Variants in LIN28B observed in about 807,000 individuals in gnomAD.
LIN28B encodes the protein lin-28 RNA binding posttranscriptional regulator B.
LIN28B carries 5 observed loss-of-function variants against 21.9 expected under a neutral mutation model. The ratio of observed to expected loss-of-function variants is 0.23; its 90% CI spans 0.12 to 0.48. The LOEUF (loss-of-function observed/expected upper bound fraction) is 0.48. Ranked by LOEUF, LIN28B falls within the 20% of genes least tolerant of loss-of-function variation. LIN28B has a pLI of 0.98. For missense variants in LIN28B, 245 were observed against 310.5 expected, an observed-to-expected ratio of 0.79 and a Z score of 1.58; for synonymous variants, 109 against 111.3, an observed-to-expected ratio of 0.98 and a Z score of 0.13.
At position 105,078,664 on chromosome 6, in the gene LIN28B, G is replaced by T; in HGVS notation, c.634G>T (p.Ala212Ser). 6.2e-7 allele frequency: 1 copy of T among 1,614,124 alleles called. No individual in the cohort carries two copies. Among genetic ancestry groups the T allele is most frequent in the African/African-American group, 1.3e-5 (1 of 75,008 alleles). ...ACCACCGTTTCCTCAGGAGGCTAGG[G>T]CAGAGATCTCAGAACGGTCAGGCAG... ...TSPPFPQEAR[A>S]EISERSGRSP... The change falls in exon 4 of 4, where the codon GCA becomes TCA. Residue 212 changes from alanine to serine, a missense_variant. Transcript: ENST00000345080.
At chr6:104,957,344 G>GC (rs1164468440) in intron 1 of LIN28B, 84 bp downstream of exon 1, 6 of 728,916 alleles carry the variant, frequency 8.2e-6, no homozygotes, top group African/African-American at 1.0e-4. Flanking sequence ...TTCTTAGACC[G>GC]TCCCCCCCTT....
chr6:105,047,375 G>C (rs437471), intron 3 of LIN28B, among the ~76,000 whole-genome samples: 1 of 151,814 alleles, frequency 6.6e-6, no homozygotes, highest in Non-Finnish European at 1.5e-5. Context: ...CCATTGGTCT[G>C]TATCCCTGTT....
intron 2 of LIN28B, among the ~76,000 whole-genome samples, chr6:104,989,780 T>C (rs1241739417): frequency 2.0e-5 from 3 of 151,748 alleles, no homozygotes; most frequent in East Asian, 1.9e-4. Flanking sequence ...TTAGTAGAGA[T>C]GGAATTTCAC....
At chr6:105,047,428 G>T (rs575712027) in intron 3 of LIN28B, among the ~76,000 whole-genome samples, 1 of 152,162 alleles carries the variant, frequency 6.6e-6, no homozygotes, top group Non-Finnish European at 1.5e-5. Context: ...TAGCCTTGTA[G>T]TATAGTTTGA....
chr6:104,992,379 T>C (rs996356826), intron 2 of LIN28B, among the ~76,000 whole-genome samples: 2 of 151,962 alleles, frequency 1.3e-5, no homozygotes, highest in Non-Finnish European at 2.9e-5. Context: ...TATGTAACAA[T>C]TAATATTACT....
chr6:105,007,758 G>A (rs924341305), intron 2 of LIN28B, among the ~76,000 whole-genome samples: 2 of 151,782 alleles, frequency 1.3e-5, no homozygotes, highest in African/African-American at 4.8e-5. Flanking sequence ...TTGAAGTGCT[G>A]GGATCATAGG....
At chr6:104,957,422 C>T (rs143823265) in intron 1 of LIN28B, among the ~76,000 whole-genome samples, 162 bp downstream of exon 1, 1 of 147,658 alleles carries the variant, frequency 6.8e-6, no homozygotes, top group Non-Finnish European at 1.5e-5. Flanking sequence ...TTCTGCAAAC[C>T]TATTGTTATA....
At chr6:105,038,266 A>G (rs1263553713) in intron 3 of LIN28B, among the ~76,000 whole-genome samples, 1 of 152,222 alleles carries the variant, frequency 6.6e-6, no homozygotes, top group Non-Finnish European at 1.5e-5. Flanking sequence ...GTCATTAACC[A>G]GTCTTCAGAA....
chr6:104,972,107 A>C (rs1409388099), intron 2 of LIN28B, among the ~76,000 whole-genome samples: 5 of 152,004 alleles, frequency 3.3e-5, no homozygotes, highest in Non-Finnish European at 7.4e-5. Context: ...AGTATCTGGG[A>C]CTACAGGTGC....
At chr6:105,051,030 C>T (rs1035395866) in intron 3 of LIN28B, among the ~76,000 whole-genome samples, 2 of 150,308 alleles carry the variant, frequency 1.3e-5, no homozygotes, top group Admixed American at 1.3e-4. Context: ...GCCTAGACAA[C>T]CAAGCAAGAC....
At chr6:104,952,613 GTAAA>G (rs368537170), upstream of LIN28B, among the ~76,000 whole-genome samples, 38 of 152,154 alleles carry the variant, frequency 2.5e-4, no homozygotes, top group African/African-American at 8.9e-4. Flanking sequence ...GAATTTTGTT[GTAAA>G]TATTTTGCTG....
At chr6:105,053,637 T>G (rs992320856) in intron 3 of LIN28B, among the ~76,000 whole-genome samples, 4 of 151,744 alleles carry the variant, frequency 2.6e-5, no homozygotes, top group African/African-American at 9.7e-5. Flanking sequence ...ATCTATTACT[T>G]TGAAGTATCC....
At chr6:104,974,726 A>C (rs1291814622) in intron 2 of LIN28B, among the ~76,000 whole-genome samples, 1 of 152,008 alleles carries the variant, frequency 6.6e-6, no homozygotes, top group Non-Finnish European at 1.5e-5. Context: ...TGAATCTCAC[A>C]GCTCACAATC....
At chr6:105,073,864 G>A (rs750662569) in intron 3 of LIN28B, among the ~76,000 whole-genome samples, 3 of 152,062 alleles carry the variant, frequency 2.0e-5, no homozygotes, top group Non-Finnish European at 4.4e-5. Context: ...GTGGTTGTCC[G>A]CTGTGCTCAG....
intron 2 of LIN28B, among the ~76,000 whole-genome samples, chr6:105,026,042 G>A (rs1771281939): frequency 6.6e-6 from 1 of 151,870 alleles, no homozygotes; most frequent in Admixed American, 6.6e-5. Context: ...TATTAATTGT[G>A]GAATTGCTGG....
chr6:104,960,603 T>A (rs1769720449), intron 2 of LIN28B, among the ~76,000 whole-genome samples: 1 of 152,028 alleles, frequency 6.6e-6, no homozygotes, highest in Non-Finnish European at 1.5e-5. Flanking sequence ...AGTACATGTG[T>A]CACTGGATTT....
chr6:105,007,509 A>G (rs572715798), intron 2 of LIN28B, among the ~76,000 whole-genome samples: 6 of 151,836 alleles, frequency 4.0e-5, no homozygotes, highest in African/African-American at 1.2e-4. Context: ...AAAATAAAGC[A>G]TATATATTTT....
chr6:105,071,740 C>T (rs1325067205), intron 3 of LIN28B, among the ~76,000 whole-genome samples: 1 of 152,140 alleles, frequency 6.6e-6, no homozygotes, highest in African/African-American at 2.4e-5. Flanking sequence ...ATTCATACTG[C>T]AGTGTGATTT....
chr6:104,983,722 A>G (rs1253535253), intron 2 of LIN28B, among the ~76,000 whole-genome samples: 1 of 152,048 alleles, frequency 6.6e-6, no homozygotes, highest in African/African-American at 2.4e-5. Context: ...GATTACAGGC[A>G]TGTACTACCA....
Sources: allele counts gnomAD v4.1 joint callset (sites outside exome capture counted in the v4.1 genomes callset), GRCh38; gene constraint gnomAD v4.1.1; transcripts MANE v1.5; gene names NCBI Gene and HGNC (gene_info 2026-07-23, HGNC 2026-07-21).